Variants in CCDC88C observed in about 807,000 individuals in gnomAD.
CCDC88C encodes protein Daple.
CCDC88C carries 131 observed loss-of-function variants against 198.8 expected under a neutral mutation model. The ratio of observed to expected loss-of-function variants is 0.66; its 90% CI spans 0.57 to 0.76. The LOEUF is 0.76. Ranked by LOEUF, CCDC88C falls within the 30% of genes least tolerant of loss-of-function variation. The pLI, the probability that CCDC88C is intolerant of heterozygous loss-of-function variation, is 0.00. For synonymous variants in CCDC88C, 1,166 were observed against 1,114.7 expected (o/e 1.05, Z -0.92); for missense variants, 2,553 against 2,631.6 (o/e 0.97, Z 0.65).
Position 91,417,744 on chromosome 14 carries a change from C to CGCGCCGCGGCACAAACCG in CCDC88C, c.-55_-54insCGGTTTGTGCCGCGGCGC. The stretch of plus-strand genomic sequence containing the variant: ...CCCCCGCCCCGCGTCCCCGTTCCCC[C>CGCGCCGCGGCACAAACCG]GCGCCGCGGCACAAAACGGCTCCGC... On this transcript the variant is annotated 5_prime_UTR_variant, in exon 1 of 30. Transcript: ENST00000389857. The CGCGCCGCGGCACAAACCG allele has an allele frequency of 1.4e-6, 2 of 1,420,008 alleles. No individual in the cohort carries two copies. Among genetic ancestry groups the CGCGCCGCGGCACAAACCG allele is most frequent in the Non-Finnish European group, 1.9e-6 (2 of 1,071,658 alleles). 88.0% of individuals were successfully genotyped at this position (1,420,008 alleles called of 1,614,324 possible). A position where few individuals can be genotyped will look rare whatever the true frequency, so the allele number is the denominator to read the frequency against.
rs1473632626 is a variant in CCDC88C, at chr14:91,338,828, G to C, written c.810-258C>G. Reference sequence around the variant, plus strand: ...CCCTCCCTGTGTGTGGGGCAGGTAAGGAGACCCCAGCGGCAGCTGTACCAC... The same window carrying C: ...CCCTCCCTGTGTGTGGGGCAGGTAACGAGACCCCAGCGGCAGCTGTACCAC... On this transcript the variant is annotated intron_variant, in intron 8 of 29. Transcript: ENST00000389857. The surrounding 1 kb of genome is among the most constrained non-coding windows in gnomAD (Gnocchi z 4.8). The C allele has an allele frequency of 9.6e-6, 5 of 520,396 alleles. No homozygotes were observed. Among genetic ancestry groups the C allele is most frequent in the Admixed American group, 9.5e-5 (3 of 31,460 alleles). 32.2% of individuals were successfully genotyped at this position (520,396 alleles called of 1,614,324 possible). A position where few individuals can be genotyped will look rare whatever the true frequency, so the allele number is the denominator to read the frequency against.
intron 3 of CCDC88C, among the ~76,000 whole-genome samples, chr14:91,373,328 T>G (rs1041913514): frequency 6.6e-6 from 1 of 152,156 alleles, no homozygotes; most frequent in African/African-American, 2.4e-5. Flanking sequence ...GGTCTGGCCC[T>G]GGGAGCAAGT....
intron 3 of CCDC88C, among the ~76,000 whole-genome samples, chr14:91,372,545 G>T (rs1383451904): frequency 8.3e-6 from 1 of 120,886 alleles, no homozygotes; most frequent in Non-Finnish European, 1.8e-5. Context: ...GGGCGGGCGG[G>T]GGGGGGAGGC....
At chr14:91,389,769 A>T (rs1465258392) in intron 3 of CCDC88C, among the ~76,000 whole-genome samples, 3 of 151,380 alleles carry the variant, frequency 2.0e-5, no homozygotes, top group Non-Finnish European at 2.9e-5. Flanking sequence ...AAGAAAAAAA[A>T]AGAGGAGAAA....
At position 91,273,635 on chromosome 14, in the gene CCDC88C, C is replaced by T; in HGVS notation, c.5077G>A (p.Asp1693Asn). Residue 1693 changes from aspartate to asparagine, a missense_variant, in exon 30 of 30, where the codon GAT becomes AAT. Asp to Asn is a conservative substitution (Grantham distance 23, BLOSUM62 1). Around this residue, in one of 2 missense-constraint regions of CCDC88C, gnomAD observed 1,293 missense variants for 1,219.6 expected, o/e 1.06. Transcript: ENST00000389857. This position sits in a 1 kb window ranked among gnomAD's most constrained non-coding sequence, Gnocchi z 5.6. ...SPTHDTPSCRDDLLSDYFRKA... is the reference protein window; with the variant it reads ...SPTHDTPSCRNDLLSDYFRKA... ...CGGAAGTAGTCACTCAGCAGGTCAT[C>T]CCGGCAACTGGGAGTGTCCTACGGA... The T allele has an allele frequency of 6.8e-7, 1 of 1,480,438 alleles. No homozygotes were observed. The highest frequency in any genetic ancestry group is 9.0e-7 in the Non-Finnish European group (1 of 1,114,180). The allele number at this position is 1,480,438 out of a possible 1,614,324, so 91.7% of individuals were successfully genotyped here.
At chr14:91,394,172 A>G (rs997584953) in intron 3 of CCDC88C, among the ~76,000 whole-genome samples, 9 of 152,306 alleles carry the variant, frequency 5.9e-5, no homozygotes, top group African/African-American at 1.9e-4. Context: ...AAAACAATCA[A>G]TTTAATTTCC....
chr14:91,346,728 G>A (rs182050257), intron 4 of CCDC88C, among the ~76,000 whole-genome samples: 13 of 152,220 alleles, frequency 8.5e-5, no homozygotes, highest in African/African-American at 2.9e-4. Context: ...GTGAAACCTC[G>A]ACTCTACCAA....
In CCDC88C at chr14:91,339,004, C is replaced by G; in HGVS notation, c.809+274G>C. On this transcript the variant is annotated intron_variant, in intron 8 of 29. Coordinates refer to ENST00000389857, the MANE Select transcript of CCDC88C (RefSeq NM_001080414.4). The surrounding 1 kb of genome is among the most constrained non-coding windows in gnomAD (Gnocchi z 5.8). ...GTCCCGGCCCCAAGCTGGAGCTGAG[C>G]GTGGACTGGAGGCTGCTTCTGTGGA... 1.8e-6 allele frequency: 1 copy of G among 554,456 alleles called. No individual in the cohort carries two copies. Among genetic ancestry groups the G allele is most frequent in the Non-Finnish European group, 3.3e-6 (1 of 304,628 alleles). 34.3% of individuals were successfully genotyped at this position (554,456 alleles called of 1,614,324 possible).
At chr14:91,327,080 C>T (rs916052605) in intron 10 of CCDC88C, among the ~76,000 whole-genome samples, 6 of 152,198 alleles carry the variant, frequency 3.9e-5, no homozygotes, top group Admixed American at 1.3e-4. Flanking sequence ...AAGCACCGCT[C>T]GGTATCTGGC....
In CCDC88C at chr14:91,281,244, T is replaced by C. The variant is rs1463852147; in HGVS notation, c.4699+213A>G. ...GAGGTCGGTGCTTCCAGAACTGTGATGCTTGGGAGGTAGCGAATTCCCCAC... is the reference window on the plus strand; with the variant it reads ...GAGGTCGGTGCTTCCAGAACTGTGACGCTTGGGAGGTAGCGAATTCCCCAC... On this transcript the variant is annotated intron_variant, in intron 27 of 29. Coordinates refer to ENST00000389857, the MANE Select transcript of CCDC88C (RefSeq NM_001080414.4). 3.1e-6 allele frequency: 4 copies of C among 1,272,154 alleles called. No homozygotes were observed. The Admixed American group carries it at 8.3e-5, about 26-fold the overall frequency. 78.8% of individuals were successfully genotyped at this position (1,272,154 alleles called of 1,614,324 possible). A position where few individuals can be genotyped will look rare whatever the true frequency, so the allele number is the denominator to read the frequency against.
intron 2 of CCDC88C, among the ~76,000 whole-genome samples, chr14:91,411,962 C>CA (rs35255337): frequency 0.02 from 1,913 of 97,714 alleles, 41 homozygotes; most frequent in African/African-American, 0.055. Context: ...GACTCCATCT[C>CA]AAAAAAAAAA....
At chr14:91,300,524 T>C (rs567142950) in intron 20 of CCDC88C, among the ~76,000 whole-genome samples, 7 of 152,214 alleles carry the variant, frequency 4.6e-5, no homozygotes, top group Non-Finnish European at 8.8e-5. Flanking sequence ...CTCCAAGGGC[T>C]GGAGAAGCCT....
At chr14:91,337,900 G>T in intron 10 of CCDC88C, 105 bp downstream of exon 10, 1 of 1,401,340 alleles carries the variant, frequency 7.1e-7, no homozygotes, top group Non-Finnish European at 9.9e-7. Context: ...TGCTGAAACA[G>T]CTGTGGCTCC....
At chr14:91,402,182 G>A (rs1043160347) in intron 3 of CCDC88C, among the ~76,000 whole-genome samples, 1 of 152,074 alleles carries the variant, frequency 6.6e-6, no homozygotes, top group African/African-American at 2.4e-5. Flanking sequence ...AGGCTGAGGT[G>A]GGAGAACTGC....
intron 26 of CCDC88C, among the ~76,000 whole-genome samples, chr14:91,282,379 T>C (rs746114291): frequency 6.6e-6 from 1 of 152,248 alleles, no homozygotes; most frequent in Admixed American, 6.5e-5. Context: ...AGCTGTTTCT[T>C]TGGATATTTT....
Position 91,288,575 on chromosome 14 carries a change from C to T in CCDC88C, c.4441+530G>A, listed in dbSNP as rs890222970. On this transcript the variant is annotated intron_variant, in intron 25 of 29. Transcript: ENST00000389857. The surrounding 1 kb of genome is among the most constrained non-coding windows in gnomAD (Gnocchi z 4.2). Reference sequence around the variant, plus strand: ...TCAGCTTTGGATATTGAGATATCTGCCCGGCTACATGATGAATGATACCTT... The same window carrying T: ...TCAGCTTTGGATATTGAGATATCTGTCCGGCTACATGATGAATGATACCTT... 1.3e-5 allele frequency among the ~76,000 whole-genome samples: 2 copies of T among 152,164 alleles called. No homozygotes were observed. Among genetic ancestry groups the T allele is most frequent in the African/African-American group, 4.8e-5 (2 of 41,436 alleles).
At chr14:91,366,477 C>T (rs947005795) in intron 3 of CCDC88C, among the ~76,000 whole-genome samples, 1 of 151,340 alleles carries the variant, frequency 6.6e-6, no homozygotes, top group African/African-American at 2.4e-5. Flanking sequence ...CAGAGCAAGA[C>T]GGTCTAAAAA....
intron 3 of CCDC88C, 60 bp downstream of exon 3, chr14:91,408,599 G>T (rs930277046): frequency 9.2e-7 from 1 of 1,082,702 alleles, no homozygotes; most frequent in Non-Finnish European, 1.4e-6. Flanking sequence ...TGGGAAAACC[G>T]TGACAGTGAC....
chr14:91,392,705 GCCCCTCACTGCAA>G (rs1885578583), intron 3 of CCDC88C, among the ~76,000 whole-genome samples: 1 of 151,336 alleles, frequency 6.6e-6, no homozygotes, highest in Admixed American at 6.6e-5. Flanking sequence ...AGCAAGGGCG[GCCCCTCACTGCAA>G]CCCCTCACTG....
Sources: gnomAD v4.1 joint callset for allele counts (sites outside exome capture counted in the v4.1 genomes callset) on GRCh38, gnomAD v4.1.1 for gene constraint, gnomAD v4.1.1 regional missense constraint, Gnocchi (gnomAD v3.1) non-coding constraint, MANE v1.5 for transcripts, NCBI Gene and HGNC (gene_info 2026-07-23, HGNC 2026-07-21) for gene names.